CALN1: variants seen among roughly 807,000 people sequenced by gnomAD.
The protein encoded by CALN1 is calneuron 1, also known as calcium-binding protein 8.
A neutral mutation model predicts 30.6 loss-of-function variants in CALN1; 17 were observed. That is an observed-to-expected ratio of 0.56 (90% confidence interval 0.38 to 0.83). The LOEUF (loss-of-function observed/expected upper bound fraction) is 0.83, where lower values mean the gene tolerates loss of function less well. CALN1 is among the 40% of genes least tolerant of loss of function. CALN1 has a pLI of 0.00. For missense variants in CALN1, 291 were observed against 354.9 expected, an observed-to-expected ratio of 0.82 and a Z score of 1.45; for synonymous variants, 156 against 131.4, an observed-to-expected ratio of 1.19 and a Z score of -1.28.
chr7:72,127,640 G>A lies in CALN1; in HGVS notation c.245-21346C>T, dbSNP rs553980751. Among the ~76,000 whole-genome samples, 10 of 152,196 alleles carry A rather than the reference G, an allele frequency of 6.6e-5. No homozygotes were observed. In the South Asian group the frequency reaches 1.7e-3, roughly 25 times the overall value. On this transcript the variant is annotated intron_variant, in intron 3 of 6. Coordinates refer to ENST00000395275, the MANE Select transcript of CALN1 (RefSeq NM_031468.4). ...TGGGGTTTGGGATGAAAGAAAAGGA[G>A]GGACATCAGGAGGGCTCCAAGGTTT...
chr7:72,241,687 T>C (rs373792915), intron 3 of CALN1, among the ~76,000 whole-genome samples: 2 of 150,802 alleles, frequency 1.3e-5, no homozygotes, highest in African/African-American at 4.9e-5. Flanking sequence ...GCCTGGGCAA[T>C]AAGAGTGAAA....
chr7:71,937,265 G>A lies in CALN1; in HGVS notation c.501+86392C>T, dbSNP rs540578753. Among the ~76,000 whole-genome samples the A allele has an allele frequency of 5.6e-4, 85 of 151,830 alleles. 2 individuals are homozygous for A. The South Asian group carries it at 0.011, about 19-fold the overall frequency. ...ACAGAGGTTGCAGTGAGCTGAGATCGTACCATTGCACTCCAGCCTGGGCAA... is the reference window on the plus strand; with the variant it reads ...ACAGAGGTTGCAGTGAGCTGAGATCATACCATTGCACTCCAGCCTGGGCAA... On this transcript the variant is annotated intron_variant, in intron 5 of 6. Coordinates refer to ENST00000395275, the MANE Select transcript of CALN1 (RefSeq NM_031468.4).
Position 72,322,939 on chromosome 7 carries a change from A to C in CALN1, c.120-44129T>G, listed in dbSNP as rs1585483854. Among the ~76,000 whole-genome samples, 4 of 151,776 alleles carry C rather than the reference A, an allele frequency of 2.6e-5. No individual in the cohort carries two copies. The East Asian group carries it at 7.7e-4, about 29-fold the overall frequency. ...ACCCTATAAATATGTACCCACAAAA[A>C]TCAAAAAAATTTTTAAATAAATAAA... On this transcript the variant is annotated intron_variant, in intron 2 of 6. Transcript: ENST00000395275.
At chr7:72,139,806 A>C (rs1809764600) in intron 3 of CALN1, among the ~76,000 whole-genome samples, 1 of 152,156 alleles carries the variant, frequency 6.6e-6, no homozygotes, top group Non-Finnish European at 1.5e-5. Context: ...GCAGGCCTTC[A>C]CTTTCAGGAC....
intron 3 of CALN1, among the ~76,000 whole-genome samples, chr7:72,133,310 C>A (rs1036423474): frequency 6.6e-6 from 1 of 152,140 alleles, no homozygotes; most frequent in Non-Finnish European, 1.5e-5. Context: ...GATTTAAGAA[C>A]CAGCTTGAAG....
intron 3 of CALN1, among the ~76,000 whole-genome samples, chr7:72,185,220 T>C (rs1042088476): frequency 2.6e-5 from 4 of 151,978 alleles, no homozygotes; most frequent in African/African-American, 7.2e-5. Flanking sequence ...AAAATGTACA[T>C]GGGAAAAATG....
At chr7:72,106,435 G>A in intron 3 of CALN1, 141 bp from the exon 4 acceptor site, 4 of 927,142 alleles carry the variant, frequency 4.3e-6, no homozygotes, top group Admixed American at 3.1e-5. Flanking sequence ...ATAAAAGGGA[G>A]GACAGAAGAA....
chr7:72,215,593 C>CAAA lies in CALN1; in HGVS notation c.244+63090_244+63092dup, dbSNP rs35459723. Among the ~76,000 whole-genome samples, 73 of 76,964 alleles carry CAAA rather than the reference C, an allele frequency of 9.5e-4. 1 individual carries two copies. The highest frequency in any genetic ancestry group is 2.1e-3 in the African/African-American group (53 of 25,236). The allele number at this position is 76,964 out of a possible 152,430, so 50.5% of individuals were successfully genotyped here. A position where few individuals can be genotyped will look rare whatever the true frequency, so the allele number is the denominator to read the frequency against. On this transcript the variant is annotated intron_variant, in intron 3 of 6. Coordinates refer to ENST00000395275, the MANE Select transcript of CALN1 (RefSeq NM_031468.4). The stretch of plus-strand genomic sequence containing the variant: ...GGGTGACAAGAGCGAAACTCCTGCT[C>CAAA]AAAAAAAAAAAAAAAAAAGGCAAAG...
In CALN1 at chr7:72,020,126, C is replaced by G. The variant is rs140532531; in HGVS notation, c.501+3531G>C. 3.9e-3 allele frequency among the ~76,000 whole-genome samples: 589 copies of G among 152,254 alleles called. 1 individual carries two copies. The highest frequency in any genetic ancestry group is 6.0e-3 in the Admixed American group (92 of 15,282). ...CCAGGATGGAGTGCAGTGGCACAAT[C>G]ACAGCTCACTGCAGCCTCAAACTCC... On this transcript the variant is annotated intron_variant, in intron 5 of 6. Coordinates refer to ENST00000395275, the MANE Select transcript of CALN1 (RefSeq NM_031468.4).
At chr7:71,960,431 A>C (rs1797192586) in intron 5 of CALN1, among the ~76,000 whole-genome samples, 1 of 152,104 alleles carries the variant, frequency 6.6e-6, no homozygotes, top group Non-Finnish European at 1.5e-5. Context: ...GTGGTATTTG[A>C]CTTTCTGTTT....
chr7:72,092,444 C>CACA (rs573228170), intron 4 of CALN1, among the ~76,000 whole-genome samples: 47 of 150,354 alleles, frequency 3.1e-4, no homozygotes, highest in African/African-American at 1.1e-3. Context: ...ACACACACAC[C>CACA]CACACACACA....
intron 5 of CALN1, among the ~76,000 whole-genome samples, chr7:71,832,353 G>C (rs928665283): frequency 5.9e-5 from 9 of 152,178 alleles, no homozygotes; most frequent in African/African-American, 1.9e-4. Flanking sequence ...ATGGGGTTTT[G>C]AAGGGGACGG....
chr7:72,398,424 C>T (rs963651477), intron 2 of CALN1, among the ~76,000 whole-genome samples: 8 of 152,154 alleles, frequency 5.3e-5, no homozygotes, highest in East Asian at 1.9e-4. Context: ...TTTCAAAATA[C>T]GAAAAAACAC....
chr7:71,980,668 A>G (rs1016076951), intron 5 of CALN1, among the ~76,000 whole-genome samples: 4 of 152,200 alleles, frequency 2.6e-5, no homozygotes, highest in African/African-American at 7.2e-5. Context: ...CCTCTGCAAC[A>G]TAAATAAGGG....
intron 5 of CALN1, among the ~76,000 whole-genome samples, chr7:71,922,416 C>T (rs1794992101): frequency 6.7e-6 from 1 of 148,470 alleles, no homozygotes; most frequent in Admixed American, 6.9e-5. Context: ...ATTTAAAGTC[C>T]CCTTCATTTA....
At chr7:72,202,558 C>T (rs1190364592) in intron 3 of CALN1, among the ~76,000 whole-genome samples, 3 of 152,200 alleles carry the variant, frequency 2.0e-5, no homozygotes, top group Non-Finnish European at 2.9e-5. Context: ...GAAAATCAGA[C>T]TGACCCTGGC....
intron 3 of CALN1, among the ~76,000 whole-genome samples, chr7:72,111,901 C>T (rs535235976): frequency 6.6e-6 from 1 of 152,192 alleles, no homozygotes; most frequent in East Asian, 1.9e-4. Flanking sequence ...CAGGCGCCCA[C>T]CATCACGACG....
chr7:72,409,529 G>A (rs1202861267), intron 1 of CALN1, among the ~76,000 whole-genome samples: 1 of 150,214 alleles, frequency 6.7e-6, no homozygotes, highest in Non-Finnish European at 1.5e-5. Flanking sequence ...TTCAGCGTCT[G>A]TGGCCTTCAG....
At chr7:72,257,452 TA>T (rs112806375) in intron 3 of CALN1, among the ~76,000 whole-genome samples, 2 of 151,080 alleles carry the variant, frequency 1.3e-5, no homozygotes, top group African/African-American at 2.4e-5. Flanking sequence ...ATTTTAAAAA[TA>T]AAAAAAAATA....
Sources: allele counts gnomAD v4.1 joint callset (sites outside exome capture counted in the v4.1 genomes callset), GRCh38; gene constraint gnomAD v4.1.1; transcripts MANE v1.5; gene names NCBI Gene and HGNC (gene_info 2026-07-23, HGNC 2026-07-21).